Variants in NXPE2 observed in about 807,000 individuals in gnomAD.
NXPE2 encodes NXPE family member 2.
NXPE2 carries 34 observed loss-of-function variants against 34.4 expected under a neutral mutation model. The observed-to-expected ratio is 0.99, with a 90% confidence interval of 0.75 to 1.31. NXPE2 has a LOEUF of 1.31. NXPE2 is among the 40% of genes most tolerant of loss of function. The pLI, the probability that NXPE2 is intolerant of heterozygous loss-of-function variation, is 0.00. For synonymous variants in NXPE2, 235 were observed against 231.3 expected (o/e 1.02, Z -0.15); for missense variants, 649 against 672.5 (o/e 0.97, Z 0.39).
At chr11:114,632,795 T>A in the NXPE2 span, among the ~76,000 whole-genome samples, 1 of 150 alleles carries the variant, frequency 6.7e-3, no homozygotes. Context: ...ATTATATAAT[T>A]ATATATAATT....
the NXPE2 span, among the ~76,000 whole-genome samples, chr11:114,601,671 T>TA: frequency 2.7e-5 from 1 of 37,056 alleles, no homozygotes; most frequent in African/African-American, 1.2e-4. Flanking sequence ...TAATTATATA[T>TA]TATAATTATA....
At chr11:114,608,643 G>T in the NXPE2 span, among the ~76,000 whole-genome samples, 2 of 151,700 alleles carry the variant, frequency 1.3e-5, no homozygotes, top group African/African-American at 2.4e-5. Flanking sequence ...TTGTTGCCTC[G>T]AGGGTAACCA....
At chr11:114,811,588 T>C in the NXPE2 span, among the ~76,000 whole-genome samples, 1 of 152,164 alleles carries the variant, frequency 6.6e-6, no homozygotes, top group Non-Finnish European at 1.5e-5. Context: ...TTCAGGCAGA[T>C]GGCCGGGCCT....
chr11:114,583,403 A>G, the NXPE2 span: 3 of 630,690 alleles, frequency 4.8e-6, no homozygotes, highest in Non-Finnish European at 9.1e-6. Context: ...CTACTGAAAA[A>G]TGGAAACCCA....
the NXPE2 span, among the ~76,000 whole-genome samples, chr11:114,622,739 C>T: frequency 6.6e-6 from 1 of 151,338 alleles, no homozygotes; most frequent in Non-Finnish European, 1.5e-5. Flanking sequence ...TGTGTAACCA[C>T]TGTTACCCAG....
the NXPE2 span, among the ~76,000 whole-genome samples, chr11:114,624,410 C>A: frequency 1.3e-5 from 2 of 151,998 alleles, no homozygotes; most frequent in African/African-American, 2.4e-5. Flanking sequence ...TCATTGGTAA[C>A]CACTGTTACC....
chr11:114,789,621 G>A, the NXPE2 span, among the ~76,000 whole-genome samples: 2 of 152,204 alleles, frequency 1.3e-5, no homozygotes, highest in African/African-American at 2.4e-5. Context: ...GCTGAGATGG[G>A]TGGTACAATG....
At chr11:114,759,753 A>G in the NXPE2 span, among the ~76,000 whole-genome samples, 6 of 152,314 alleles carry the variant, frequency 3.9e-5, no homozygotes, top group Admixed American at 6.5e-5. Flanking sequence ...TCAGTGGTAG[A>G]TAGTAATTTA....
At chr11:114,765,058 C>T in the NXPE2 span, among the ~76,000 whole-genome samples, 1 of 152,132 alleles carries the variant, frequency 6.6e-6, no homozygotes, top group Non-Finnish European at 1.5e-5. Flanking sequence ...ACAACTTCAG[C>T]CTCCTTCTCT....
the NXPE2 span, among the ~76,000 whole-genome samples, chr11:114,516,984 T>A: frequency 6.6e-6 from 1 of 152,168 alleles, no homozygotes; most frequent in Non-Finnish European, 1.5e-5. Context: ...TACTTACTGG[T>A]ATTCTCTCTA....
chr11:114,563,006 T>C, the NXPE2 span, among the ~76,000 whole-genome samples: 1 of 152,130 alleles, frequency 6.6e-6, no homozygotes, highest in Non-Finnish European at 1.5e-5. Context: ...TCTAATCAAC[T>C]GTGCTAGTAC....
At chr11:114,630,122 G>A in the NXPE2 span, among the ~76,000 whole-genome samples, 2 of 151,414 alleles carry the variant, frequency 1.3e-5, no homozygotes, top group Non-Finnish European at 2.9e-5. Flanking sequence ...ATTCAATGCT[G>A]TACCCATCAA....
At chr11:114,719,533 C>T in the NXPE2 span, among the ~76,000 whole-genome samples, 2 of 152,214 alleles carry the variant, frequency 1.3e-5, no homozygotes, top group African/African-American at 4.8e-5. Flanking sequence ...TGTCATTGTG[C>T]ACACCTGATG....
At chr11:114,755,736 A>ATCTCTCTCTC in the NXPE2 span, among the ~76,000 whole-genome samples, 256 of 148,290 alleles carry the variant, frequency 1.7e-3, 1 homozygote, top group African/African-American at 6.1e-3. Flanking sequence ...CTCTTCACCC[A>ATCTCTCTCTC]TCTCTCTCTC....
the NXPE2 span, among the ~76,000 whole-genome samples, chr11:114,608,283 C>A: frequency 6.6e-6 from 1 of 151,602 alleles, no homozygotes; most frequent in Non-Finnish European, 1.5e-5. Context: ...CCACTGTTAC[C>A]CAGTATTTAA....
At chr11:114,663,338 T>G in the NXPE2 span, among the ~76,000 whole-genome samples, 1 of 152,198 alleles carries the variant, frequency 6.6e-6, no homozygotes, top group East Asian at 1.9e-4. Flanking sequence ...TCTTGTAGCC[T>G]GCCAATGTCT....
the NXPE2 span, among the ~76,000 whole-genome samples, chr11:114,472,268 C>T: frequency 6.6e-6 from 1 of 152,146 alleles, no homozygotes; most frequent in Non-Finnish European, 1.5e-5. Flanking sequence ...TAGCCCTCTC[C>T]CACTGTTTTA....
At chr11:114,473,339 G>A in the NXPE2 span, among the ~76,000 whole-genome samples, 1 of 152,200 alleles carries the variant, frequency 6.6e-6, no homozygotes, top group East Asian at 1.9e-4. Flanking sequence ...GTGTGTTAAG[G>A]TGATTTCAAT....
At chr11:114,805,550 C>A in the NXPE2 span, among the ~76,000 whole-genome samples, 3 of 152,372 alleles carry the variant, frequency 2.0e-5, no homozygotes, top group African/African-American at 4.8e-5. Flanking sequence ...TATCCCACAC[C>A]TGGCTCAGAG....
Sources: gnomAD v4.1 joint callset for allele counts (sites outside exome capture counted in the v4.1 genomes callset) on GRCh38, gnomAD v4.1.1 for gene constraint, MANE v1.5 for transcripts, NCBI Gene and HGNC (gene_info 2026-07-23, HGNC 2026-07-21) for gene names.